CNTNAP2: variants seen among roughly 807,000 people sequenced by gnomAD.
CNTNAP2 encodes contactin-associated protein-like 2.
In CNTNAP2, 98 loss-of-function variants were observed where a neutral mutation model predicts 155.2. The observed-to-expected ratio is 0.63, with a 90% CI of 0.54 to 0.75. The LOEUF (loss-of-function observed/expected upper bound fraction) is 0.75. CNTNAP2 is among the 30% of genes least tolerant of loss of function. The pLI, the probability that CNTNAP2 is intolerant of heterozygous loss-of-function variation, is 0.00. For missense variants in CNTNAP2, 1,727 were observed against 1,688.1 expected (o/e 1.02, Z -0.40); for synonymous variants, 651 against 631.2 (o/e 1.03, Z -0.47).
chr7:147,745,009 A>G (rs572231811), intron 13 of CNTNAP2, among the ~76,000 whole-genome samples: 14 of 152,186 alleles, frequency 9.2e-5, no homozygotes, highest in Middle Eastern at 3.4e-3. Context: ...TTTTTAGGTG[A>G]ACCATAACCT....
At chr7:147,443,353 A>T (rs1221690698) in intron 10 of CNTNAP2, among the ~76,000 whole-genome samples, 4 of 152,174 alleles carry the variant, frequency 2.6e-5, no homozygotes, top group Admixed American at 6.6e-5. Flanking sequence ...TCTCCTCAGC[A>T]CATGGAAATG....
intron 21 of CNTNAP2, among the ~76,000 whole-genome samples, chr7:148,308,507 T>C (rs1253938949): frequency 6.6e-6 from 1 of 152,058 alleles, no homozygotes; most frequent in African/African-American, 2.4e-5. Context: ...TGAAATCTAG[T>C]TTAAAAGCCT....
intron 12 of CNTNAP2, among the ~76,000 whole-genome samples, chr7:147,601,769 AT>A (rs1317469735): frequency 6.6e-6 from 1 of 150,578 alleles, no homozygotes; most frequent in African/African-American, 2.4e-5. Flanking sequence ...TTGTCCTGTA[AT>A]TTTTTTATGT....
intron 3 of CNTNAP2, among the ~76,000 whole-genome samples, chr7:147,013,308 G>T (rs1798660076): frequency 6.6e-6 from 1 of 152,084 alleles, no homozygotes; most frequent in Non-Finnish European, 1.5e-5. Flanking sequence ...GGGTGTACTA[G>T]ACCTGGAGGG....
At chr7:146,530,238 A>T (rs1797750360) in intron 1 of CNTNAP2, among the ~76,000 whole-genome samples, 1 of 152,190 alleles carries the variant, frequency 6.6e-6, no homozygotes, top group African/African-American at 2.4e-5. Flanking sequence ...CTCAAGATGG[A>T]TTAAAGATGT....
intron 1 of CNTNAP2, among the ~76,000 whole-genome samples, chr7:146,643,102 T>C (rs1799741784): frequency 1.3e-5 from 2 of 148,692 alleles, no homozygotes; most frequent in African/African-American, 2.5e-5. Flanking sequence ...TCTCCCATTT[T>C]GTAGGTTGCC....
Position 146,712,593 on chromosome 7 carries a change from ATATATGCCTGTTTCTTT to A in CNTNAP2, c.98-61676_98-61660del, listed in dbSNP as rs753548590. 9.5e-4 allele frequency among the ~76,000 whole-genome samples: 143 copies of A among 151,268 alleles called. 5 individuals are homozygous for A. In the South Asian group the frequency reaches 0.029, roughly 31 times the overall value. On this transcript the variant is annotated intron_variant, in intron 1 of 23. Transcript: ENST00000361727. ...TATTAATACTTGACAGTCTCTTCACATATATGCCTGTTTCTTTTCTTTCAAAAAAACTAACCCCATGA... is the reference window on the plus strand; with the variant it reads ...TATTAATACTTGACAGTCTCTTCACATCTTTCAAAAAAACTAACCCCATGA...
intron 18 of CNTNAP2, among the ~76,000 whole-genome samples, chr7:148,186,694 C>A (rs1364479026): frequency 6.6e-6 from 1 of 152,186 alleles, no homozygotes; most frequent in African/African-American, 2.4e-5. Flanking sequence ...CACCTATGCA[C>A]CTTCAAAATC....
intron 15 of CNTNAP2, among the ~76,000 whole-genome samples, chr7:148,102,915 G>C (rs910115494): frequency 6.6e-6 from 1 of 152,198 alleles, no homozygotes. Flanking sequence ...ATGTGCCCAA[G>C]GTGGTCAGGG....
intron 2 of CNTNAP2, among the ~76,000 whole-genome samples, chr7:146,800,174 G>C (rs1212892247): frequency 6.6e-6 from 1 of 152,130 alleles, no homozygotes; most frequent in Non-Finnish European, 1.5e-5. Context: ...AGCAACACTA[G>C]CTATTCAAAC....
chr7:146,939,524 A>G (rs1038116855), intron 3 of CNTNAP2, among the ~76,000 whole-genome samples: 1 of 152,210 alleles, frequency 6.6e-6, no homozygotes, highest in African/African-American at 2.4e-5. Context: ...TTATCTATTT[A>G]GAAGCACTGC....
intron 1 of CNTNAP2, among the ~76,000 whole-genome samples, chr7:146,743,655 A>C (rs1585069662): frequency 6.6e-6 from 1 of 152,154 alleles, no homozygotes; most frequent in African/African-American, 2.4e-5. Context: ...AAAGTTACAC[A>C]AATAATATTG....
At chr7:147,168,801 A>C (rs1290527545) in intron 8 of CNTNAP2, among the ~76,000 whole-genome samples, 1 of 152,146 alleles carries the variant, frequency 6.6e-6, no homozygotes, top group East Asian at 1.9e-4. Context: ...GCAAACAAAT[A>C]ATAAGCTAGA....
chr7:146,267,303 A>G (rs1178840517), intron 1 of CNTNAP2, among the ~76,000 whole-genome samples: 1 of 152,144 alleles, frequency 6.6e-6, no homozygotes, highest in Admixed American at 6.5e-5. Flanking sequence ...TTATACAAAG[A>G]GTGGAGACAG....
intron 2 of CNTNAP2, among the ~76,000 whole-genome samples, chr7:146,831,339 A>G (rs1803506112): frequency 6.6e-6 from 1 of 152,148 alleles, no homozygotes; most frequent in African/African-American, 2.4e-5. Context: ...ATTTATGGAT[A>G]ATGCCAGTCC....
intron 12 of CNTNAP2, among the ~76,000 whole-genome samples, chr7:147,623,398 T>C (rs1038947343): frequency 9.7e-4 from 147 of 152,062 alleles, no homozygotes; most frequent in African/African-American, 3.1e-3. Flanking sequence ...GATAAACAAA[T>C]TCTGCAAAGT....
At chr7:147,279,544 ATCATC>A (rs1373051880) in intron 8 of CNTNAP2, among the ~76,000 whole-genome samples, 1 of 151,834 alleles carries the variant, frequency 6.6e-6, no homozygotes, top group Non-Finnish European at 1.5e-5. Context: ...CTTCTTCAGT[ATCATC>A]TCATTGTCTT....
chr7:147,467,730 C>A (rs1798145239), intron 10 of CNTNAP2, among the ~76,000 whole-genome samples: 1 of 152,184 alleles, frequency 6.6e-6, no homozygotes, highest in Non-Finnish European at 1.5e-5. Flanking sequence ...CTAGTAATTT[C>A]TTTAAGAAAG....
At chr7:146,305,971 A>AAAAAT (rs936479552) in intron 1 of CNTNAP2, among the ~76,000 whole-genome samples, 8 of 152,120 alleles carry the variant, frequency 5.3e-5, no homozygotes, top group African/African-American at 1.9e-4. Flanking sequence ...GGTTTTTTGA[A>AAAAAT]AAAATAAACA....
Sources: gnomAD v4.1 joint callset for allele counts (sites outside exome capture counted in the v4.1 genomes callset) on GRCh38, gnomAD v4.1.1 for gene constraint, MANE v1.5 for transcripts, NCBI Gene and HGNC (gene_info 2026-07-23, HGNC 2026-07-21) for gene names.